The following COL27A1 variants were observed in gnomAD, a reference collection of about 807,000 sequenced individuals.
COL27A1 encodes collagen type XXVII alpha 1 chain.
Under a neutral mutation model 251.3 loss-of-function variants are expected in COL27A1, and 106 were observed. The observed-to-expected ratio is 0.42, with a 90% CI of 0.36 to 0.50. COL27A1 has a LOEUF of 0.50. Among genes scored for constraint, COL27A1 ranks in the 20% least tolerant of loss-of-function variants. The pLI, the probability that COL27A1 is intolerant of heterozygous loss-of-function variation, is 0.00. For missense variants in COL27A1, 2,325 were observed against 2,522.8 expected (o/e 0.92, Z 1.68); for synonymous variants, 1,000 against 986.3 (o/e 1.01, Z -0.26).
In COL27A1 at chr9:114,290,249, G is replaced by C; in HGVS notation, c.4286G>C (p.Arg1429Pro). 5.9e-6 allele frequency: 9 copies of C among 1,531,014 alleles called. No homozygotes were observed. Among genetic ancestry groups the C allele is most frequent in the Non-Finnish European group, 7.9e-6 (9 of 1,133,114 alleles). 94.8% of individuals were successfully genotyped at this position (1,531,014 alleles called of 1,614,324 possible). ...VQGLQGLPGP[R>P]GVVGRQGLEG... ...GGCCTGCAGGGGCTGCCAGGGCCCC[G>C]GGGCGTGGTGGGGAGACAGGGCCTC... Residue 1429 changes from arginine to proline, a missense_variant, in exon 47 of 61, where the codon CGG (arginine) becomes CCG (proline). This residue lies in a region of COL27A1 where 153 missense variants were observed against 140.7 expected (regional missense o/e 1.09). Coordinates refer to ENST00000356083, the MANE Select transcript of COL27A1 (RefSeq NM_032888.4). This position sits in a 1 kb window ranked among gnomAD's most constrained non-coding sequence, Gnocchi z 4.6.
intron 2 of COL27A1, among the ~76,000 whole-genome samples, chr9:114,165,818 G>T: frequency 8.7e-6 from 1 of 115,230 alleles, no homozygotes; most frequent in African/African-American, 3.5e-5. Flanking sequence ...CAGCCAGCCA[G>T]GCATTATTTA....
chr9:114,307,830 C>T (rs1301086047), intron 59 of COL27A1, 52 bp downstream of exon 59: 2 of 1,393,116 alleles, frequency 1.4e-6, no homozygotes, highest in South Asian at 1.2e-5. Context: ...CTATCCCCAG[C>T]CTGCCCTGGG....
rs757193016 is a variant in COL27A1, at chr9:114,254,511, C to T, written c.3141+1579C>T. Among the ~76,000 whole-genome samples the T allele has an allele frequency of 5.3e-4, 81 of 151,452 alleles. 1 individual carries two copies. Among genetic ancestry groups the T allele is most frequent in the Non-Finnish European group, 2.2e-4 (15 of 67,872 alleles). On this transcript the variant is annotated intron_variant, in intron 27 of 60. Coordinates refer to ENST00000356083, the MANE Select transcript of COL27A1 (RefSeq NM_032888.4). ...AGGGGTCAGGGCTGGGAGCCCAGTC[C>T]GAGGTGGGCTTGGGGAAGTTGGGGA...
intron 57 of COL27A1, among the ~76,000 whole-genome samples, chr9:114,304,966 G>C (rs765567001): frequency 2.6e-5 from 4 of 152,192 alleles, no homozygotes; most frequent in South Asian, 2.1e-4. Context: ...CTGGAGTCAG[G>C]GGGAGAAGCT....
chr9:114,290,152 C>CCCCCCCCCCCCCCCCCCCCCCACCCCCA lies in COL27A1; in HGVS notation c.4260+42_4260+43insCCCCCCCCCCCCCCCCCCCCACCCCCAC. 1 of 1,581,796 alleles carries CCCCCCCCCCCCCCCCCCCCCCACCCCCA rather than the reference C, an allele frequency of 6.3e-7. No homozygotes were observed. Among genetic ancestry groups the CCCCCCCCCCCCCCCCCCCCCCACCCCCA allele is most frequent in the Non-Finnish European group, 8.7e-7 (1 of 1,155,620 alleles). ...TGCTGTTTCCAGCCAACCTCCCTGCCCGCCCCCCACACCCGCCCTCCTCCC... is the reference window on the plus strand; with the variant it reads ...TGCTGTTTCCAGCCAACCTCCCTGCCCCCCCCCCCCCCCCCCCCCCCACCCCCACGCCCCCCACACCCGCCCTCCTCCC... On this transcript the variant is annotated intron_variant, in intron 46 of 60. Coordinates refer to ENST00000356083, the MANE Select transcript of COL27A1 (RefSeq NM_032888.4). This position sits in a 1 kb window ranked among gnomAD's most constrained non-coding sequence, Gnocchi z 4.6.
Position 114,168,860 on chromosome 9 carries a change from C to T in COL27A1, c.1305C>T (p.Pro435=). 1 of 1,614,032 alleles carries T rather than the reference C, an allele frequency of 6.2e-7. No homozygotes were observed. Among genetic ancestry groups the T allele is most frequent in the Non-Finnish European group, 8.5e-7 (1 of 1,180,010 alleles). The change falls in exon 3 of 61, where the codon CCC becomes CCT. Residue 435 remains proline, a synonymous_variant. Transcript: ENST00000356083. ...AGAGGAACCCGGGAATGCCCAGGCC[C>T]CCACCGCCCAGCACCCGGCCCCTAC... ...PIQRNPGMPR[P]PPPSTRPLPP... is the part of the protein sequence containing the mutation.
chr9:114,193,135 C>T (rs969571411), intron 5 of COL27A1, among the ~76,000 whole-genome samples: 6 of 152,166 alleles, frequency 3.9e-5, no homozygotes, highest in Non-Finnish European at 8.8e-5. Flanking sequence ...GGACTTCTGA[C>T]TCTGGGCCCA....
At chr9:114,162,858 G>T in intron 2 of COL27A1, 73 bp downstream of exon 2, 1 of 1,066,324 alleles carries the variant, frequency 9.4e-7, no homozygotes, top group Admixed American at 1.9e-5. Context: ...AGGGGTAGGA[G>T]ACAGCCGTGC....
chr9:114,206,567 G>T (rs1829979913), intron 10 of COL27A1, among the ~76,000 whole-genome samples: 1 of 152,252 alleles, frequency 6.6e-6, no homozygotes, highest in Non-Finnish European at 1.5e-5. Context: ...CTAGGCATTT[G>T]TTTGCTGTGT....
At chr9:114,222,425 T>G (rs1404783229) in intron 14 of COL27A1, among the ~76,000 whole-genome samples, 158 bp downstream of exon 14, 3 of 32,678 alleles carry the variant, frequency 9.2e-5, no homozygotes, top group African/African-American at 2.5e-4. Context: ...GAGACCAACC[T>G]GGGTGAGGAA....
chr9:114,170,721 C>T lies in COL27A1; in HGVS notation c.1908+1258C>T, dbSNP rs75260745. On this transcript the variant is annotated intron_variant, in intron 3 of 60. Transcript: ENST00000356083. ...TTATGTCAACGTTCTGCTCAAGTTC[C>T]GTGTTCTGAAATTGGCAGCGTAGAG... 3.8e-3 allele frequency among the ~76,000 whole-genome samples: 582 copies of T among 152,346 alleles called. 3 individuals are homozygous for T. Among genetic ancestry groups the T allele is most frequent in the African/African-American group, 0.013 (557 of 41,578 alleles).
intron 1 of COL27A1, among the ~76,000 whole-genome samples, chr9:114,156,501 G>A (rs1473046449): frequency 4.6e-5 from 7 of 152,122 alleles, no homozygotes; most frequent in African/African-American, 1.7e-4. Context: ...CTGTCTCCGT[G>A]TCTGTGTGGC....
At chr9:114,234,303 GA>G (rs1293291371) in intron 16 of COL27A1, among the ~76,000 whole-genome samples, 4 of 146,654 alleles carry the variant, frequency 2.7e-5, no homozygotes, top group South Asian at 2.2e-4. Context: ...AAAGTAAGTT[GA>G]AAAAAAATTT....
chr9:114,242,371 A>AC (rs1266821706), intron 22 of COL27A1, 140 bp downstream of exon 22: 2 of 598,498 alleles, frequency 3.3e-6, no homozygotes, highest in Admixed American at 7.6e-5. Flanking sequence ...ACTAGGACAG[A>AC]CCCCAAAGGA....
At chr9:114,242,630 C>CCTA (rs1167453862) in intron 22 of COL27A1, among the ~76,000 whole-genome samples, 1 of 152,216 alleles carries the variant, frequency 6.6e-6, no homozygotes, top group African/African-American at 2.4e-5. Context: ...AGTCACTTGT[C>CCTA]CTACACCCCT....
chr9:114,250,578 A>T, intron 24 of COL27A1, 37 bp from the exon 25 acceptor site: 1 of 1,600,248 alleles, frequency 6.2e-7, no homozygotes, highest in Non-Finnish European at 8.6e-7. Flanking sequence ...CCCCGGATTC[A>T]CGTTGTTTCT....
intron 57 of COL27A1, among the ~76,000 whole-genome samples, chr9:114,305,602 G>T (rs1309003511): frequency 6.6e-6 from 1 of 152,188 alleles, no homozygotes; most frequent in East Asian, 1.9e-4. Context: ...TTGGCTACCT[G>T]CCAGGGGCTC....
Position 114,231,815 on chromosome 9 carries a change from C to T in COL27A1, c.2521-7C>T, listed in dbSNP as rs765164222. 1.2e-6 allele frequency: 2 copies of T among 1,614,046 alleles called. No homozygotes were observed. Among genetic ancestry groups the T allele is most frequent in the Non-Finnish European group, 1.7e-6 (2 of 1,180,006 alleles). On this transcript the variant is annotated splice_region_variant and splice_polypyrimidine_tract_variant and intron_variant, in intron 15 of 60. Coordinates refer to ENST00000356083, the MANE Select transcript of COL27A1 (RefSeq NM_032888.4). The stretch of plus-strand genomic sequence containing the variant: ...CATCACAGCTGGCCTTGGGCTTTGT[C>T]TTGCAGGGACTGATGGGCAGCGTGG...
rs143550065 is a variant in COL27A1 at position 114,231,927 on chromosome 9, C to T, written c.2565+61C>T. 776 of 1,539,562 alleles carry T rather than the reference C, an allele frequency of 5.0e-4. 6 individuals carry two copies. The East Asian group carries it at 0.013, about 25-fold the overall frequency. The stretch of plus-strand genomic sequence containing the variant: ...TCTGCATGCCACCCCCCTCTCCGCC[C>T]GGAGGCTGCTGCTGATTTCTCGCCA... On this transcript the variant is annotated intron_variant, in intron 16 of 60. Coordinates refer to ENST00000356083, the MANE Select transcript of COL27A1 (RefSeq NM_032888.4).
Sources: gnomAD v4.1 joint callset for allele counts (sites outside exome capture counted in the v4.1 genomes callset) on GRCh38, gnomAD v4.1.1 for gene constraint, gnomAD v4.1.1 regional missense constraint, Gnocchi (gnomAD v3.1) non-coding constraint, MANE v1.5 for transcripts, NCBI Gene and HGNC (gene_info 2026-07-23, HGNC 2026-07-21) for gene names.